Variants in LGSN observed in about 807,000 individuals in gnomAD.
LGSN encodes lengsin.
Under a neutral mutation model 19.5 loss-of-function variants are expected in LGSN, and 21 were observed. That is an observed-to-expected ratio of 1.07 (90% CI 0.76 to 1.55). The LOEUF is 1.55. LGSN is among the 40% of genes most tolerant of loss of function. The pLI, the probability that LGSN is intolerant of heterozygous loss-of-function variation, is 0.00. For missense variants in LGSN, 673 were observed against 608.5 expected, an observed-to-expected ratio of 1.11 and a Z score of -1.12; for synonymous variants, 257 against 215.6, an observed-to-expected ratio of 1.19 and a Z score of -1.68.
the LGSN span, among the ~76,000 whole-genome samples, chr6:63,382,810 C>G: frequency 6.6e-6 from 1 of 152,064 alleles, no homozygotes; most frequent in Admixed American, 6.6e-5. Flanking sequence ...CCTGGCAAAC[C>G]CAAGCTAAGA....
chr6:63,371,635 C>A, the LGSN span, among the ~76,000 whole-genome samples: 1 of 152,188 alleles, frequency 6.6e-6, no homozygotes, highest in African/African-American at 2.4e-5. Context: ...TTGTCACCAA[C>A]TTTTTTTCTA....
the LGSN span, among the ~76,000 whole-genome samples, chr6:63,432,295 A>G: frequency 2.6e-5 from 4 of 152,162 alleles, no homozygotes; most frequent in Non-Finnish European, 4.4e-5. Context: ...ATAAACCTCA[A>G]AAGTTACCTG....
chr6:63,470,248 A>ATG, the LGSN span, among the ~76,000 whole-genome samples: 1 of 151,626 alleles, frequency 6.6e-6, no homozygotes. Context: ...TGGGCAGATC[A>ATG]CCTGAGGTCA....
chr6:63,570,334 T>C, the LGSN span, among the ~76,000 whole-genome samples: 5 of 152,158 alleles, frequency 3.3e-5, no homozygotes, highest in African/African-American at 1.2e-4. Context: ...CCATCTCAAA[T>C]AAATACATAA....
chr6:63,532,238 T>C, the LGSN span, among the ~76,000 whole-genome samples: 1 of 152,254 alleles, frequency 6.6e-6, no homozygotes, highest in African/African-American at 2.4e-5. Context: ...TTTCTTCTAG[T>C]GTCACAATTT....
the LGSN span, among the ~76,000 whole-genome samples, chr6:63,381,494 ACTT>A: frequency 6.6e-6 from 1 of 152,224 alleles, no homozygotes; most frequent in African/African-American, 2.4e-5. Flanking sequence ...CTTGAAAATA[ACTT>A]CTTATGAAAA....
chr6:63,286,013 C>T (rs973925583), intron 2 of LGSN, among the ~76,000 whole-genome samples: 13 of 151,932 alleles, frequency 8.6e-5, no homozygotes, highest in Admixed American at 2.0e-4. Flanking sequence ...AAGGATATAG[C>T]GATATCATAC....
the LGSN span, among the ~76,000 whole-genome samples, chr6:63,372,123 C>G: frequency 2.6e-3 from 391 of 152,322 alleles, no homozygotes; most frequent in Non-Finnish European, 3.5e-3. Context: ...TATGCTACTA[C>G]TCTTGTTTCA....
At chr6:63,364,628 T>C in the LGSN span, among the ~76,000 whole-genome samples, 14 of 152,206 alleles carry the variant, frequency 9.2e-5, no homozygotes, top group African/African-American at 3.4e-4. Context: ...ATCAACAGAA[T>C]ATACATTCTT....
At chr6:63,481,435 C>G in the LGSN span, among the ~76,000 whole-genome samples, 1 of 151,862 alleles carries the variant, frequency 6.6e-6, no homozygotes, top group African/African-American at 2.4e-5. Context: ...CTCTACCTCC[C>G]AGGTTCAAGC....
the LGSN span, among the ~76,000 whole-genome samples, chr6:63,327,459 C>T: frequency 6.6e-6 from 1 of 152,138 alleles, no homozygotes; most frequent in Non-Finnish European, 1.5e-5. Context: ...CTATCCCAGA[C>T]TGGTTAGTGT....
the LGSN span, among the ~76,000 whole-genome samples, chr6:63,533,832 T>TTTAATTAATTAA: frequency 6.7e-6 from 1 of 149,768 alleles, no homozygotes; most frequent in African/African-American, 2.5e-5. Context: ...AACAAACTTT[T>TTTAATTAATTAA]TTAATTAATT....
the LGSN span, among the ~76,000 whole-genome samples, chr6:63,554,158 T>G: frequency 2.6e-5 from 4 of 152,196 alleles, no homozygotes; most frequent in African/African-American, 9.6e-5. Flanking sequence ...ATAAAAAGAC[T>G]TTACAATCCT....
the LGSN span, among the ~76,000 whole-genome samples, chr6:63,479,604 G>A: frequency 1.3e-5 from 2 of 152,210 alleles, no homozygotes; most frequent in African/African-American, 4.8e-5. Context: ...GCTGAGCATG[G>A]TGGTGGGCAC....
chr6:63,308,642 A>G (rs1450379842), intron 1 of LGSN, among the ~76,000 whole-genome samples: 1 of 151,700 alleles, frequency 6.6e-6, no homozygotes, highest in Admixed American at 6.6e-5. Context: ...TTTGACCCCT[A>G]TATAATAGTT....
the LGSN span, among the ~76,000 whole-genome samples, chr6:63,508,169 C>T: frequency 2.6e-3 from 396 of 152,220 alleles, 9 homozygotes; most frequent in Admixed American, 0.022. Flanking sequence ...TTTTTGAATG[C>T]TTTTCTAAGA....
At chr6:63,564,866 A>G in the LGSN span, among the ~76,000 whole-genome samples, 1 of 152,202 alleles carries the variant, frequency 6.6e-6, no homozygotes. Flanking sequence ...CTCAAACTAG[A>G]TTCCTCCAGG....
the LGSN span, among the ~76,000 whole-genome samples, chr6:63,439,457 G>A: frequency 4.6e-5 from 7 of 152,126 alleles, no homozygotes; most frequent in South Asian, 1.2e-3. Context: ...GGAGGTTGCA[G>A]TGATCCCAGA....
the LGSN span, among the ~76,000 whole-genome samples, chr6:63,528,864 G>A: frequency 6.6e-6 from 1 of 151,934 alleles, no homozygotes; most frequent in Non-Finnish European, 1.5e-5. Flanking sequence ...CGAGGCCGGT[G>A]GATTACCTGA....
Sources: gnomAD v4.1 joint callset for allele counts (sites outside exome capture counted in the v4.1 genomes callset) on GRCh38, gnomAD v4.1.1 for gene constraint, MANE v1.5 for transcripts, NCBI Gene and HGNC (gene_info 2026-07-23, HGNC 2026-07-21) for gene names.